Variants in CYLD observed in about 807,000 individuals in gnomAD.
The protein encoded by CYLD is CYLD lysine 63 deubiquitinase.
Under a neutral mutation model 104.5 loss-of-function variants are expected in CYLD, and 26 were observed. The observed-to-expected ratio is 0.25, with a 90% confidence interval of 0.18 to 0.35. The LOEUF (loss-of-function observed/expected upper bound fraction) is 0.35. Among genes scored for constraint, CYLD ranks in the 10% least tolerant of loss-of-function variants. CYLD has a pLI of 1.00. For missense variants in CYLD, 703 were observed against 1,136.1 expected (o/e 0.62, Z 5.48); for synonymous variants, 385 against 399.9 (o/e 0.96, Z 0.45).
chr16:50,759,639 A>G (rs990552225), intron 5 of CYLD, among the ~76,000 whole-genome samples: 5 of 152,174 alleles, frequency 3.3e-5, no homozygotes, highest in Non-Finnish European at 7.3e-5. Context: ...TCACTGCTTC[A>G]TAGTATATTT....
rs1972293972 is a variant in CYLD at position 50,799,229 on chromosome 16, T to C, written c.*2721T>C. 4.3e-6 allele frequency: 1 copy of C among 233,324 alleles called. No individual in the cohort carries two copies. Among genetic ancestry groups the C allele is most frequent in the African/African-American group, 2.2e-5 (1 of 45,358 alleles). 14.5% of individuals were successfully genotyped at this position (233,324 alleles called of 1,614,324 possible). Reference sequence around the variant, plus strand: ...TCTTATTTATAACACGGTTCGTGATTCATGATTCATGATTACAAGTAGAAA... The same window carrying C: ...TCTTATTTATAACACGGTTCGTGATCCATGATTCATGATTACAAGTAGAAA... On this transcript the variant is annotated 3_prime_UTR_variant, in exon 19 of 19. Transcript: ENST00000427738.
At chr16:50,774,121 G>A (rs929392110) in intron 5 of CYLD, among the ~76,000 whole-genome samples, 4 of 152,184 alleles carry the variant, frequency 2.6e-5, no homozygotes, top group African/African-American at 7.2e-5. Flanking sequence ...GATCTATATC[G>A]TGGTATACAT....
Position 50,794,454 on chromosome 16 carries a change from T to C in CYLD, c.2686+26T>C, listed in dbSNP as rs1971771547. The C allele has an allele frequency of 6.2e-7, 1 of 1,607,378 alleles. No individual in the cohort carries two copies. The highest frequency in any genetic ancestry group is 1.3e-5 in the African/African-American group (1 of 74,760). On this transcript the variant is annotated intron_variant, in intron 18 of 18. Coordinates refer to ENST00000427738, the MANE Select transcript of CYLD (RefSeq NM_001378743.1). This position sits in a 1 kb window ranked among gnomAD's most constrained non-coding sequence, Gnocchi z 4.1. The stretch of plus-strand genomic sequence containing the variant: ...GTACTGAAAACGCCTTTCTTCTGCA[T>C]GTGGCACAGGGTTCTGGTTTGTAGT...
chr16:50,764,603 T>C (rs941092954), intron 5 of CYLD, among the ~76,000 whole-genome samples: 5 of 152,354 alleles, frequency 3.3e-5, no homozygotes, highest in Non-Finnish European at 1.5e-5. Flanking sequence ...GCTTTCTTAA[T>C]TCTTTCTAGA....
At chr16:50,773,533 A>T (rs757128936) in intron 5 of CYLD, among the ~76,000 whole-genome samples, 15 of 152,192 alleles carry the variant, frequency 9.9e-5, no homozygotes, top group Non-Finnish European at 2.2e-4. Flanking sequence ...TTTTGATTAG[A>T]ATGAATAGGG....
In CYLD at chr16:50,777,839, C is replaced by G; in HGVS notation, c.1036C>G (p.Pro346Ala). ...KPKATGSTSD[P>A]GNRNRSELFY... The stretch of plus-strand genomic sequence containing the variant: ...TGTTCCTATAGGATCTACCTCAGAC[C>G]CTGGAAATAGAAACAGATCTGAATT... Residue 346 changes from proline to alanine, a missense_variant, in exon 8 of 19, where the codon CCT becomes GCT. Pro to Ala is a conservative substitution (Grantham distance 27, BLOSUM62 -1). Around this residue, in one of 5 missense-constraint regions of CYLD, gnomAD observed 183 missense variants for 212.1 expected, o/e 0.86. Coordinates refer to ENST00000427738, the MANE Select transcript of CYLD (RefSeq NM_001378743.1). 1.3e-6 allele frequency: 2 copies of G among 1,592,012 alleles called. No homozygotes were observed. Among genetic ancestry groups the G allele is most frequent in the South Asian group, 1.1e-5 (1 of 90,486 alleles).
Position 50,787,864 on chromosome 16 carries a change from A to T in CYLD, c.2108+12A>T, listed in dbSNP as rs558245278. ...TTGCTAAAAATAAGGTAACCTTTAA[A>T]TTGTTCTAGAAGCATTGGAAAAATA... is the stretch of plus-strand genomic sequence containing the variant. On this transcript the variant is annotated intron_variant, in intron 14 of 18. Transcript: ENST00000427738. The T allele has an allele frequency of 7.1e-7, 1 of 1,413,592 alleles. No individual in the cohort carries two copies. The highest frequency in any genetic ancestry group is 1.0e-6 in the Non-Finnish European group (1 of 1,002,804). The allele number at this position is 1,413,592 out of a possible 1,614,324, so 87.6% of individuals were successfully genotyped here. A position where few individuals can be genotyped will look rare whatever the true frequency, so the allele number is the denominator to read the frequency against.
At chr16:50,791,831 T>A in intron 15 of CYLD, 141 bp downstream of exon 15, 1 of 960,474 alleles carries the variant, frequency 1.0e-6, no homozygotes, top group Middle Eastern at 2.5e-4. Context: ...TTTTAAAAAG[T>A]ATGCAGTGTT....
At chr16:50,789,305 GA>G (rs1417433865) in intron 14 of CYLD, among the ~76,000 whole-genome samples, 1 of 152,152 alleles carries the variant, frequency 6.6e-6, no homozygotes, top group Non-Finnish European at 1.5e-5. Context: ...CACTTTGGGA[GA>G]AAAAAGTCAA....
At chr16:50,771,667 T>G (rs1376429060) in intron 5 of CYLD, among the ~76,000 whole-genome samples, 1 of 152,226 alleles carries the variant, frequency 6.6e-6, no homozygotes, top group Non-Finnish European at 1.5e-5. Flanking sequence ...GTTCTCTGTT[T>G]TCCAAAAAGT....
intron 5 of CYLD, among the ~76,000 whole-genome samples, chr16:50,761,555 T>C (rs1248057967): frequency 2.0e-5 from 3 of 152,218 alleles, no homozygotes; most frequent in Non-Finnish European, 4.4e-5. Context: ...CATATGTCCT[T>C]TGGAGCTGGT....
intron 11 of CYLD, 73 bp downstream of exon 11, chr16:50,782,539 TGTGC>T (rs2151000123): frequency 6.7e-7 from 1 of 1,482,870 alleles, no homozygotes; most frequent in Non-Finnish European, 9.4e-7. Flanking sequence ...TGTGTGTGTG[TGTGC>T]GTGTGAGTGT....
chr16:50,745,458 C>T (rs1314761275), intron 2 of CYLD, among the ~76,000 whole-genome samples: 1 of 148,578 alleles, frequency 6.7e-6, no homozygotes, highest in Middle Eastern at 3.6e-3. Flanking sequence ...GCCTGGACCT[C>T]CTGGGCTCTA....
At chr16:50,775,237 A>G in intron 6 of CYLD, 63 bp downstream of exon 6, 2 of 1,220,330 alleles carry the variant, frequency 1.6e-6, no homozygotes, top group Non-Finnish European at 2.4e-6. Flanking sequence ...CAAAGGAAGA[A>G]CTTTTCACAC....
At chr16:50,791,354 T>G (rs1043728776) in intron 14 of CYLD, among the ~76,000 whole-genome samples, 1 of 152,238 alleles carries the variant, frequency 6.6e-6, no homozygotes, top group African/African-American at 2.4e-5. Flanking sequence ...CTAAGCAAAA[T>G]AAATCATTTA....
Position 50,750,122 on chromosome 16 carries a change from T to A in CYLD, c.424T>A (p.Phe142Ile), listed in dbSNP as rs1567421065. Reference protein sequence around the residue: ...KVQLRSGEEKFPGVVRFRGPL... With the variant: ...KVQLRSGEEKIPGVVRFRGPL... ...ACAGCTGAGATCTGGGGAAGAAAAATTTCCTGGAGTTGTACGCTTCAGAGG... is the reference window on the plus strand; with the variant it reads ...ACAGCTGAGATCTGGGGAAGAAAAAATTCCTGGAGTTGTACGCTTCAGAGG... The change falls in exon 3 of 19, where the codon TTT (phenylalanine) becomes ATT (isoleucine). Residue 142 changes from phenylalanine (F) to isoleucine (I), a missense_variant. Transcript: ENST00000427738. 6.2e-7 allele frequency: 1 copy of A among 1,614,006 alleles called. No individual in the cohort carries two copies.
chr16:50,771,916 G>A (rs192445308), intron 5 of CYLD, among the ~76,000 whole-genome samples: 1 of 152,250 alleles, frequency 6.6e-6, no homozygotes, highest in East Asian at 1.9e-4. Context: ...ATTGATCTGT[G>A]TGTCTGTCCT....
rs549844636 is a variant in CYLD, at chr16:50,745,371, T to TC, written c.-124+2530_-124+2531insC. ...TCTCTCTTTCCTCTTTGTTTTTTTT[T>TC]TTTTTTTTTTTTTTGAGACCAGGTC... On this transcript the variant is annotated intron_variant, in intron 2 of 18. Coordinates refer to ENST00000427738, the MANE Select transcript of CYLD (RefSeq NM_001378743.1). Among the ~76,000 whole-genome samples, 775 of 140,228 alleles carry TC rather than the reference T, an allele frequency of 5.5e-3. 4 individuals carry two copies. The highest frequency in any genetic ancestry group is 9.2e-3 in the Non-Finnish European group (599 of 64,956). The allele number at this position is 140,228 out of a possible 152,430, so 92.0% of individuals were successfully genotyped here.
intron 5 of CYLD, among the ~76,000 whole-genome samples, chr16:50,755,006 CATATATATGTATATAT>C (rs1463227554): frequency 1.8e-4 from 2 of 10,900 alleles, no homozygotes; most frequent in Non-Finnish European, 4.9e-4. Context: ...TGTATATATA[CATATATATGTATATAT>C]ACATATATAT....
Sources: allele counts gnomAD v4.1 joint callset (sites outside exome capture counted in the v4.1 genomes callset), GRCh38; gene constraint gnomAD v4.1.1; regional missense constraint gnomAD v4.1.1; non-coding constraint Gnocchi (gnomAD v3.1); transcripts MANE v1.5; gene names NCBI Gene and HGNC (gene_info 2026-07-23, HGNC 2026-07-21).